The following CNTN5 variants were observed in gnomAD, a reference collection of about 807,000 sequenced individuals.
The protein encoded by CNTN5 is contactin 5.
CNTN5 carries 77 observed loss-of-function variants against 129.1 expected under a neutral mutation model. That is an observed-to-expected ratio of 0.60 (90% CI 0.50 to 0.72). The LOEUF is 0.72. Among genes scored for constraint, CNTN5 ranks in the 30% least tolerant of loss-of-function variants. The pLI is 0.00. For missense variants in CNTN5, 1,478 were observed against 1,328.8 expected, an observed-to-expected ratio of 1.11 and a Z score of -1.75; for synonymous variants, 509 against 465.6, an observed-to-expected ratio of 1.09 and a Z score of -1.20.
rs995471226 is a variant in CNTN5, at chr11:100,046,411, T to C, written c.981-14801T>C. 2.0e-5 allele frequency among the ~76,000 whole-genome samples: 3 copies of C among 152,170 alleles called. No homozygotes were observed. In the East Asian group the frequency reaches 5.8e-4, roughly 29 times the overall value. On this transcript the variant is annotated intron_variant, in intron 9 of 24. Transcript: ENST00000524871. ...AGCCTGAAATATGTGTTCATAATCT[T>C]TGTGATTTAAGACAATTATGTTATG...
intron 6 of CNTN5, among the ~76,000 whole-genome samples, chr11:99,846,166 A>G (rs957760015): frequency 6.8e-6 from 1 of 147,180 alleles, no homozygotes; most frequent in African/African-American, 2.5e-5. Flanking sequence ...ACACACGAAT[A>G]TAAACATTTC....
At chr11:100,000,803 C>T (rs1343643502) in intron 8 of CNTN5, among the ~76,000 whole-genome samples, 1 of 152,178 alleles carries the variant, frequency 6.6e-6, no homozygotes, top group Non-Finnish European at 1.5e-5. Flanking sequence ...GAACTCTTGC[C>T]TTCTGCACAT....
At chr11:99,793,133 C>T (rs1428854845) in intron 3 of CNTN5, among the ~76,000 whole-genome samples, 1 of 151,798 alleles carries the variant, frequency 6.6e-6, no homozygotes, top group Non-Finnish European at 1.5e-5. Flanking sequence ...AATCTCGGCT[C>T]ACTGCAACCT....
intron 13 of CNTN5, among the ~76,000 whole-genome samples, chr11:100,108,711 T>A (rs1281323002): frequency 6.6e-6 from 1 of 152,078 alleles, no homozygotes; most frequent in Non-Finnish European, 1.5e-5. Flanking sequence ...TTTGTAGCAT[T>A]TATTATGATT....
intron 3 of CNTN5, among the ~76,000 whole-genome samples, chr11:99,562,825 G>A (rs1948884611): frequency 6.6e-6 from 1 of 152,158 alleles, no homozygotes; most frequent in Non-Finnish European, 1.5e-5. Context: ...CAGATTTAAA[G>A]CTGGGAAATA....
At chr11:99,870,491 A>C (rs189325675) in intron 6 of CNTN5, among the ~76,000 whole-genome samples, 3 of 152,264 alleles carry the variant, frequency 2.0e-5, no homozygotes, top group African/African-American at 7.2e-5. Flanking sequence ...AATATAAATA[A>C]ACTGATATAG....
rs1946615161 is a variant in CNTN5 at position 99,817,176 on chromosome 11, G to C, written c.56-2368G>C. ...AGGATTATTCACTTTTGTTTCCCTA[G>C]CATTTGGCACCTACTAAGTTGTTAT... On this transcript the variant is annotated intron_variant, in intron 3 of 24. Transcript: ENST00000524871. 2.0e-5 allele frequency among the ~76,000 whole-genome samples: 3 copies of C among 152,184 alleles called. No individual in the cohort carries two copies. The South Asian group carries it at 6.2e-4, about 32-fold the overall frequency.
intron 4 of CNTN5, among the ~76,000 whole-genome samples, chr11:99,827,564 A>G (rs527747195): frequency 7.9e-5 from 12 of 152,368 alleles, no homozygotes; most frequent in Admixed American, 2.6e-4. Flanking sequence ...AGTAAATTCC[A>G]GAAGAAACAT....
At chr11:100,044,318 A>T (rs1343323491) in intron 9 of CNTN5, among the ~76,000 whole-genome samples, 1 of 152,052 alleles carries the variant, frequency 6.6e-6, no homozygotes, top group Non-Finnish European at 1.5e-5. Flanking sequence ...TTAATATAGT[A>T]ATTTATTTTC....
intron 13 of CNTN5, among the ~76,000 whole-genome samples, chr11:100,160,934 T>C (rs1234305565): frequency 6.6e-6 from 1 of 151,880 alleles, no homozygotes; most frequent in East Asian, 1.9e-4. Context: ...CATAACTAGA[T>C]CTGGATATAC....
chr11:99,896,704 G>A (rs1039380623), intron 6 of CNTN5, among the ~76,000 whole-genome samples: 1 of 152,154 alleles, frequency 6.6e-6, no homozygotes, highest in South Asian at 2.1e-4. Flanking sequence ...GAGCAAGAAG[G>A]CTTCTCACCT....
intron 1 of CNTN5, among the ~76,000 whole-genome samples, chr11:99,117,822 T>A (rs77121865): frequency 6.6e-6 from 1 of 152,052 alleles, no homozygotes. Context: ...TTCTTCCTGG[T>A]GAGGAAGAGC....
intron 1 of CNTN5, among the ~76,000 whole-genome samples, chr11:99,082,323 T>A (rs1350909309): frequency 6.6e-6 from 1 of 152,024 alleles, no homozygotes; most frequent in East Asian, 1.9e-4. Context: ...TAGCTGGGAC[T>A]ACAGGCGCAT....
chr11:100,291,854 G>T (rs955619016), intron 18 of CNTN5, among the ~76,000 whole-genome samples: 1 of 149,154 alleles, frequency 6.7e-6, no homozygotes, highest in African/African-American at 2.5e-5. Context: ...AAACTCAAAC[G>T]CCAATAAATA....
chr11:99,589,444 C>G (rs952129209), intron 3 of CNTN5, among the ~76,000 whole-genome samples: 10 of 152,132 alleles, frequency 6.6e-5, no homozygotes, highest in African/African-American at 2.4e-4. Context: ...AATACTGCTT[C>G]CAAAGAAGGA....
chr11:99,433,211 A>C lies in CNTN5; in HGVS notation c.-71+107727A>C, dbSNP rs1454599134. Among the ~76,000 whole-genome samples the C allele has an allele frequency of 3.3e-5, 5 of 152,248 alleles. No homozygotes were observed. In the East Asian group the frequency reaches 9.6e-4, roughly 29 times the overall value. On this transcript the variant is annotated intron_variant, in intron 2 of 24. Coordinates refer to ENST00000524871, the MANE Select transcript of CNTN5 (RefSeq NM_014361.4). ...TGCTTGAGAGTACAGCAGAGAAAGC[A>C]AGGTCCTCTGGGGAGAACCCAATCT...
chr11:99,127,658 G>T (rs1180090395), intron 1 of CNTN5, among the ~76,000 whole-genome samples: 2 of 152,064 alleles, frequency 1.3e-5, no homozygotes, highest in Non-Finnish European at 2.9e-5. Flanking sequence ...TATTCCTTCG[G>T]CTCTTTGCAC....
At chr11:100,173,287 G>A (rs562556574) in intron 13 of CNTN5, among the ~76,000 whole-genome samples, 1 of 152,216 alleles carries the variant, frequency 6.6e-6, no homozygotes, top group Non-Finnish European at 1.5e-5. Flanking sequence ...CGTAGTGGGG[G>A]TTGCTAGGCT....
intron 8 of CNTN5, among the ~76,000 whole-genome samples, chr11:99,970,843 G>A (rs1951230566): frequency 6.6e-6 from 1 of 152,108 alleles, no homozygotes; most frequent in Non-Finnish European, 1.5e-5. Flanking sequence ...ATTGGGAGGA[G>A]CTTTATAGTC....
Sources: gnomAD v4.1 joint callset for allele counts (sites outside exome capture counted in the v4.1 genomes callset) on GRCh38, gnomAD v4.1.1 for gene constraint, MANE v1.5 for transcripts, NCBI Gene and HGNC (gene_info 2026-07-23, HGNC 2026-07-21) for gene names.